LCMT1: variants seen among roughly 807,000 people sequenced by gnomAD.
LCMT1 encodes leucine carboxyl methyltransferase 1.
In LCMT1, 32 loss-of-function variants were observed where a neutral mutation model predicts 47.7. That is an observed-to-expected ratio of 0.67 (90% CI 0.51 to 0.90). The LOEUF (loss-of-function observed/expected upper bound fraction) is 0.90. Among genes scored for constraint, LCMT1 ranks in the 40% least tolerant of loss-of-function variants. The pLI is 0.00. For synonymous variants in LCMT1, 152 were observed against 149.7 expected (o/e 1.02, Z -0.11); for missense variants, 375 against 415.2 (o/e 0.90, Z 0.84).
intron 8 of LCMT1, among the ~76,000 whole-genome samples, chr16:25,170,089 G>A (rs1265154210): frequency 6.6e-6 from 1 of 152,000 alleles, no homozygotes; most frequent in African/African-American, 2.4e-5. Context: ...GTGTGGTGGT[G>A]CACACCTGTA....
chr16:25,135,268 C>G (rs1244890137), intron 3 of LCMT1, among the ~76,000 whole-genome samples: 1 of 147,084 alleles, frequency 6.8e-6, no homozygotes, highest in African/African-American at 2.6e-5. Context: ...TTTTTTTGGT[C>G]TGAAGTTTCT....
chr16:25,132,645 G>A (rs1960386838), intron 3 of LCMT1, 122 bp downstream of exon 3: 3 of 1,041,184 alleles, frequency 2.9e-6, no homozygotes, highest in South Asian at 3.2e-5. Flanking sequence ...TCCCACCCCT[G>A]TCCCATCTGC....
intron 2 of LCMT1, chr16:25,132,103 G>A (rs1196305096): frequency 4.6e-6 from 2 of 437,836 alleles, no homozygotes; most frequent in South Asian, 1.9e-5. Flanking sequence ...TTTCCAAGAT[G>A]GACTTTAGAC....
intron 1 of LCMT1, among the ~76,000 whole-genome samples, chr16:25,115,823 G>A (rs576137900): frequency 6.6e-6 from 1 of 152,200 alleles, no homozygotes; most frequent in African/African-American, 2.4e-5. Flanking sequence ...GACTACAGGT[G>A]CCTGCCACCA....
At chr16:25,157,487 G>T (rs192102684) in intron 5 of LCMT1, among the ~76,000 whole-genome samples, 27 of 152,094 alleles carry the variant, frequency 1.8e-4, no homozygotes, top group African/African-American at 5.8e-4. Context: ...GCTGTAATGA[G>T]CCATGATCGT....
intron 4 of LCMT1, chr16:25,146,804 G>A (rs1306490776): frequency 2.0e-5 from 3 of 152,220 alleles, no homozygotes; most frequent in Non-Finnish European, 4.4e-5. Flanking sequence ...ACTCGATTGA[G>A]GAAGACTACT....
At chr16:25,156,040 T>G (rs1468957920) in intron 5 of LCMT1, among the ~76,000 whole-genome samples, 2 of 152,338 alleles carry the variant, frequency 1.3e-5, no homozygotes, top group African/African-American at 4.8e-5. Flanking sequence ...TACTGTTCTC[T>G]GACTGTGCCA....
rs183510242 is a variant in LCMT1 at position 25,129,373 on chromosome 16, T to G, written c.205+807T>G. 5.5e-4 allele frequency among the ~76,000 whole-genome samples: 83 copies of G among 152,268 alleles called. No homozygotes were observed. In the East Asian group the frequency reaches 0.013, roughly 24 times the overall value. On this transcript the variant is annotated intron_variant, in intron 2 of 10. Coordinates refer to ENST00000399069, the MANE Select transcript of LCMT1 (RefSeq NM_016309.3). ...GTTTTTGAAATTTTATTAAATTTAA[T>G]GAATTCAAAAAAAAGTATTAATCTT...
intron 5 of LCMT1, among the ~76,000 whole-genome samples, chr16:25,157,844 C>T (rs1961307091): frequency 6.6e-6 from 1 of 152,170 alleles, no homozygotes; most frequent in African/African-American, 2.4e-5. Context: ...GGGTCCCCAC[C>T]TTTCTTGCTT....
At chr16:25,158,331 A>C (rs1306905285) in intron 5 of LCMT1, among the ~76,000 whole-genome samples, 1 of 152,164 alleles carries the variant, frequency 6.6e-6, no homozygotes, top group Admixed American at 6.5e-5. Flanking sequence ...TTGTATTTTT[A>C]GTAGAGATTC....
chr16:25,133,184 C>T (rs1960403667), intron 3 of LCMT1, among the ~76,000 whole-genome samples: 1 of 151,952 alleles, frequency 6.6e-6, no homozygotes, highest in Admixed American at 6.6e-5. Flanking sequence ...TTGACAGTAA[C>T]TAAGATTTTG....
At chr16:25,177,941 G>A in intron 10 of LCMT1, 60 bp from the exon 11 acceptor site, 1 of 1,532,502 alleles carries the variant, frequency 6.5e-7, no homozygotes, top group Non-Finnish European at 9.0e-7. Flanking sequence ...GGGTCCTCTA[G>A]GGGCCTCTGC....
intron 1 of LCMT1, among the ~76,000 whole-genome samples, chr16:25,125,446 C>T (rs1405850670): frequency 6.6e-6 from 1 of 152,158 alleles, no homozygotes; most frequent in African/African-American, 2.4e-5. Context: ...TACTTGTCAT[C>T]GCAGTGCCTT....
intron 10 of LCMT1, among the ~76,000 whole-genome samples, chr16:25,176,387 G>C (rs1306549191): frequency 6.6e-6 from 1 of 152,026 alleles, no homozygotes; most frequent in Non-Finnish European, 1.5e-5. Flanking sequence ...GAACTTGACA[G>C]AGGCAAGGAC....
intron 5 of LCMT1, chr16:25,160,759 AC>A: frequency 1.9e-6 from 1 of 531,820 alleles, no homozygotes. Flanking sequence ...TGCTGTTGTT[AC>A]GTAGGAAAAG....
chr16:25,153,446 G>A (rs1961139212), intron 5 of LCMT1, among the ~76,000 whole-genome samples: 2 of 151,382 alleles, frequency 1.3e-5, no homozygotes, highest in Admixed American at 1.3e-4. Context: ...GTGAGAGAGA[G>A]GTGAAGGGGT....
chr16:25,123,593 T>G (rs1960066027), intron 1 of LCMT1, among the ~76,000 whole-genome samples: 1 of 146,662 alleles, frequency 6.8e-6, no homozygotes, highest in African/African-American at 2.5e-5. Flanking sequence ...TCCCGTTAAA[T>G]TGCTTTCTTT....
intron 10 of LCMT1, 84 bp from the exon 11 acceptor site, chr16:25,177,917 G>C (rs1379177496): frequency 4.2e-6 from 5 of 1,197,422 alleles, no homozygotes; most frequent in Non-Finnish European, 6.2e-6. Context: ...TGGTGCCCCT[G>C]AGCCGGTCAC....
At chr16:25,166,600 G>A (rs1441207269) in intron 7 of LCMT1, among the ~76,000 whole-genome samples, 1 of 152,014 alleles carries the variant, frequency 6.6e-6, no homozygotes, top group Admixed American at 6.6e-5. Context: ...ACAGGGTTTC[G>A]CCATGTTGCC....
Sources: gnomAD v4.1 joint callset for allele counts (sites outside exome capture counted in the v4.1 genomes callset) on GRCh38, gnomAD v4.1.1 for gene constraint, MANE v1.5 for transcripts, NCBI Gene and HGNC (gene_info 2026-07-23, HGNC 2026-07-21) for gene names.